Variants in CEP192 observed in about 807,000 individuals in gnomAD.
CEP192 encodes the protein centrosomal protein 192.
CEP192 carries 151 observed loss-of-function variants against 271.8 expected under a neutral mutation model. The ratio of observed to expected loss-of-function variants is 0.56; its 90% CI spans 0.49 to 0.64. CEP192 has a LOEUF of 0.64. Among genes scored for constraint, CEP192 ranks in the 30% least tolerant of loss-of-function variants. CEP192 has a pLI of 0.00. For missense variants in CEP192, 2,910 were observed against 3,020.5 expected (o/e 0.96, Z 0.86); for synonymous variants, 995 against 1,076.5 (o/e 0.92, Z 1.48).
chr18:13,121,085 G>A (rs2040636730), intron 44 of CEP192, among the ~76,000 whole-genome samples: 1 of 152,122 alleles, frequency 6.6e-6, no homozygotes, highest in African/African-American at 2.4e-5. Flanking sequence ...TATTGTATTT[G>A]TCCCAGACAC....
intron 19 of CEP192, 128 bp downstream of exon 19, chr18:13,056,826 T>G: frequency 1.2e-6 from 1 of 801,362 alleles, no homozygotes; most frequent in South Asian, 1.7e-5. Flanking sequence ...CTTCCTAAAC[T>G]GAGAACACCG....
At chr18:13,039,916 C>T (rs1303365510) in intron 13 of CEP192, among the ~76,000 whole-genome samples, 7 of 152,198 alleles carry the variant, frequency 4.6e-5, no homozygotes, top group South Asian at 4.2e-4. Context: ...GAGAAAAGGG[C>T]AAGAATTCAA....
chr18:12,993,765 T>C (rs1236474451), intron 1 of CEP192, among the ~76,000 whole-genome samples: 1 of 152,210 alleles, frequency 6.6e-6, no homozygotes, highest in Non-Finnish European at 1.5e-5. Flanking sequence ...AGCCTCAGTT[T>C]CCTCAATAAT....
At position 13,018,861 on chromosome 18, in the gene CEP192, T is replaced by C. The variant is rs371301838; in HGVS notation, c.926-221T>C. On this transcript the variant is annotated intron_variant, in intron 8 of 44. Transcript: ENST00000506447. ...CAAATAATTGTATTCTATCCAGACATTGATAATTAAATATGAATTCTTTGG... is the reference window on the plus strand; with the variant it reads ...CAAATAATTGTATTCTATCCAGACACTGATAATTAAATATGAATTCTTTGG... Among the ~76,000 whole-genome samples the C allele has an allele frequency of 2.0e-4, 31 of 152,302 alleles. No individual in the cohort carries two copies. In the South Asian group the frequency reaches 6.2e-3, roughly 31 times the overall value.
At chr18:13,064,454 T>C (rs1212635767) in intron 21 of CEP192, among the ~76,000 whole-genome samples, 2 of 151,728 alleles carry the variant, frequency 1.3e-5, no homozygotes, top group East Asian at 3.9e-4. Context: ...CTACTAAAAA[T>C]ACAAAAAATT....
At chr18:13,067,795 G>C (rs1231456704) in intron 21 of CEP192, 36 bp from the exon 22 acceptor site, 1 of 1,560,232 alleles carries the variant, frequency 6.4e-7, no homozygotes, top group Non-Finnish European at 8.8e-7. Context: ...TTAATATATT[G>C]CTTTTCATAA....
At chr18:13,065,175 GTT>G (rs35939555) in intron 21 of CEP192, among the ~76,000 whole-genome samples, 1 of 144,114 alleles carries the variant, frequency 6.9e-6, no homozygotes. Flanking sequence ...TCTAATAGTT[GTT>G]TTTTTTTTTT....
chr18:13,124,072 A>G (rs141699500), intron 44 of CEP192, among the ~76,000 whole-genome samples: 28 of 152,270 alleles, frequency 1.8e-4, no homozygotes, highest in African/African-American at 6.5e-4. Flanking sequence ...AGGCAGGAGA[A>G]TTGCTTGAAT....
At chr18:13,003,623 G>A (rs1413221098) in intron 3 of CEP192, among the ~76,000 whole-genome samples, 1 of 152,042 alleles carries the variant, frequency 6.6e-6, no homozygotes, top group Non-Finnish European at 1.5e-5. Context: ...CTGGGGAGGT[G>A]GTGAGCAGGA....
In CEP192 at chr18:13,068,323, TTTACA is replaced by T. The variant is rs772043801; in HGVS notation, c.4759-32_4759-28del. On this transcript the variant is annotated intron_variant, in intron 23 of 44. Transcript: ENST00000506447. ...ATTAAGATAGTAATATTAATACCAG[TTTACA>T]TTAAGACAAATTTTTCTTTTAATTT... The T allele has an allele frequency of 6.2e-6, 10 of 1,603,728 alleles. No individual in the cohort carries two copies. In the East Asian group the frequency reaches 2.0e-4, roughly 32 times the overall value.
Position 13,072,984 on chromosome 18 carries a change from G to C in CEP192, c.5440-25G>C, listed in dbSNP as rs752562083. Reference sequence around the variant, plus strand: ...TATTTGTGCTACTGCTTTGTTTTATGCATTTAACTGTTTTTAAATTGTAGC... The same window carrying C: ...TATTTGTGCTACTGCTTTGTTTTATCCATTTAACTGTTTTTAAATTGTAGC... On this transcript the variant is annotated intron_variant, in intron 29 of 44. Transcript: ENST00000506447. 2.5e-6 allele frequency: 4 copies of C among 1,592,930 alleles called. No individual in the cohort carries two copies. The Admixed American group carries it at 7.0e-5, about 28-fold the overall frequency.
intron 3 of CEP192, among the ~76,000 whole-genome samples, chr18:13,006,415 G>A (rs183014031): frequency 2.0e-5 from 3 of 152,186 alleles, no homozygotes; most frequent in East Asian, 1.9e-4. Context: ...TGTGAAACCC[G>A]AGTGTAGTCA....
At chr18:13,063,036 A>G (rs554751359) in intron 21 of CEP192, among the ~76,000 whole-genome samples, 2 of 152,286 alleles carry the variant, frequency 1.3e-5, no homozygotes, top group East Asian at 3.9e-4. Flanking sequence ...AGTTCCATCC[A>G]TGTTGTTGCA....
Position 13,100,526 on chromosome 18 carries a change from A to G in CEP192, c.6871+14A>G, listed in dbSNP as rs2039655906. Reference sequence around the variant, plus strand: ...GTGAAACTTCAGGTATTGTATCACAAAATTATGTAATTCAAATGTCTGCTG... The same window carrying G: ...GTGAAACTTCAGGTATTGTATCACAGAATTATGTAATTCAAATGTCTGCTG... On this transcript the variant is annotated intron_variant, in intron 38 of 44. Coordinates refer to ENST00000506447, the MANE Select transcript of CEP192 (RefSeq NM_032142.4). The G allele has an allele frequency of 1.9e-6, 3 of 1,561,474 alleles. No homozygotes were observed. The highest frequency in any genetic ancestry group is 1.4e-5 in the African/African-American group (1 of 73,856).
chr18:13,111,338 G>C (rs1436666987), intron 40 of CEP192, among the ~76,000 whole-genome samples: 1 of 152,118 alleles, frequency 6.6e-6, no homozygotes, highest in Non-Finnish European at 1.5e-5. Flanking sequence ...TGTTAGCCAG[G>C]ATGGTCTCGA....
At chr18:13,088,813 C>T in intron 32 of CEP192, 1 of 412,564 alleles carries the variant, frequency 2.4e-6, no homozygotes, top group South Asian at 1.8e-5. Context: ...GATGTTAGAA[C>T]AGACCAAATA....
At chr18:13,085,032 A>G (rs1310134249) in intron 30 of CEP192, among the ~76,000 whole-genome samples, 2 of 151,004 alleles carry the variant, frequency 1.3e-5, no homozygotes, top group South Asian at 2.1e-4. Flanking sequence ...TCACCATGTT[A>G]GCCAGGATGG....
intron 40 of CEP192, among the ~76,000 whole-genome samples, chr18:13,109,367 A>G (rs775657352): frequency 2.6e-5 from 4 of 152,190 alleles, no homozygotes; most frequent in Non-Finnish European, 4.4e-5. Context: ...TATAAAGATG[A>G]CAGCAATAGA....
intron 36 of CEP192, 132 bp from the exon 37 acceptor site, chr18:13,099,344 T>G (rs1598601395): frequency 1.8e-6 from 1 of 563,106 alleles, no homozygotes; most frequent in Non-Finnish European, 3.1e-6. Flanking sequence ...CGCATGGGAG[T>G]GAGCTCTGTT....
Sources: allele counts gnomAD v4.1 joint callset (sites outside exome capture counted in the v4.1 genomes callset), GRCh38; gene constraint gnomAD v4.1.1; transcripts MANE v1.5; gene names NCBI Gene and HGNC (gene_info 2026-07-23, HGNC 2026-07-21).